Variants in FAM120A observed in about 807,000 individuals in gnomAD.
FAM120A encodes the protein family with sequence similarity 120 member A, also known as constitutive coactivator of PPAR-gamma-like protein 1.
In FAM120A, 15 loss-of-function variants were observed where a neutral mutation model predicts 109.7. That is an observed-to-expected ratio of 0.14 (90% CI 0.09 to 0.21). The LOEUF (loss-of-function observed/expected upper bound fraction) is 0.21. Ranked by LOEUF, FAM120A falls within the 10% of genes least tolerant of loss-of-function variation. FAM120A has a pLI of 1.00. For synonymous variants in FAM120A, 493 were observed against 572.8 expected (o/e 0.86, Z 1.99); for missense variants, 899 against 1,439.3 (o/e 0.62, Z 6.07).
intron 17 of FAM120A, among the ~76,000 whole-genome samples, chr9:93,563,261 G>GA (rs1862535241): frequency 6.6e-6 from 1 of 152,216 alleles, no homozygotes; most frequent in African/African-American, 2.4e-5. Flanking sequence ...GTTGGGAAGG[G>GA]AATGCGATGA....
At chr9:93,541,364 A>G (rs1179387257) in intron 10 of FAM120A, among the ~76,000 whole-genome samples, 2 of 151,956 alleles carry the variant, frequency 1.3e-5, no homozygotes, top group African/African-American at 2.4e-5. Context: ...ATGATCCTGT[A>G]TGTTCCGAGT....
At chr9:93,473,079 G>A (rs1393706381) in intron 2 of FAM120A, among the ~76,000 whole-genome samples, 1 of 151,460 alleles carries the variant, frequency 6.6e-6, no homozygotes, top group Non-Finnish European at 1.5e-5. Context: ...GTACAGTAGT[G>A]TGATCTTGGG....
intron 7 of FAM120A, among the ~76,000 whole-genome samples, chr9:93,526,844 C>T (rs550970255): frequency 6.6e-6 from 1 of 152,354 alleles, no homozygotes; most frequent in South Asian, 2.1e-4. Context: ...ATGGAAAGAT[C>T]CTCCAAGGCA....
chr9:93,467,158 G>T (rs10512224), intron 1 of FAM120A, among the ~76,000 whole-genome samples: 17,747 of 150,510 alleles, frequency 0.12, 2,211 homozygotes, highest in African/African-American at 0.31. Context: ...CAAATGCTGA[G>T]TCATCTTGTT....
intron 10 of FAM120A, among the ~76,000 whole-genome samples, chr9:93,537,237 C>T (rs762157926): frequency 3.9e-5 from 6 of 152,276 alleles, no homozygotes; most frequent in African/African-American, 1.4e-4. Context: ...GCCTCTTGGT[C>T]GCTCCCAGTC....
At chr9:93,541,627 A>G (rs1237643540) in intron 10 of FAM120A, among the ~76,000 whole-genome samples, 1 of 152,236 alleles carries the variant, frequency 6.6e-6, no homozygotes. Flanking sequence ...ACATCTAAAC[A>G]CTAAGATATT....
chr9:93,452,697 T>C lies in FAM120A; in HGVS notation c.474+308T>C. On this transcript the variant is annotated intron_variant, in intron 1 of 17. Coordinates refer to ENST00000277165, the MANE Select transcript of FAM120A (RefSeq NM_014612.5). This position sits in a 1 kb window ranked among gnomAD's most constrained non-coding sequence, Gnocchi z 7.0. ...ACAGTGTCATCATCCCCAATATCCTTAGTTTTTCCCATCCTATTTGAGGCG... is the reference window on the plus strand; with the variant it reads ...ACAGTGTCATCATCCCCAATATCCTCAGTTTTTCCCATCCTATTTGAGGCG... 1 of 1,598,542 alleles carries C rather than the reference T, an allele frequency of 6.3e-7. No individual in the cohort carries two copies. The highest frequency in any genetic ancestry group is 8.5e-7 in the Non-Finnish European group (1 of 1,179,860).
intron 5 of FAM120A, among the ~76,000 whole-genome samples, chr9:93,514,182 G>A (rs1468300621): frequency 6.6e-6 from 1 of 152,146 alleles, no homozygotes; most frequent in Non-Finnish European, 1.5e-5. Flanking sequence ...AGGGGGAAGA[G>A]CCCCTTATAC....
chr9:93,495,959 T>A (rs919229058), intron 3 of FAM120A, among the ~76,000 whole-genome samples: 2 of 152,240 alleles, frequency 1.3e-5, no homozygotes, highest in Admixed American at 6.5e-5. Context: ...ATCCTTTGCT[T>A]TTATTTTGAT....
At chr9:93,556,969 A>G (rs1862302633) in intron 13 of FAM120A, among the ~76,000 whole-genome samples, 1 of 152,164 alleles carries the variant, frequency 6.6e-6, no homozygotes, top group East Asian at 1.9e-4. Context: ...CTTATATAAT[A>G]TGGATTGTTG....
At chr9:93,464,828 GT>G (rs1429287130) in intron 1 of FAM120A, among the ~76,000 whole-genome samples, 3 of 152,214 alleles carry the variant, frequency 2.0e-5, no homozygotes, top group Non-Finnish European at 2.9e-5. Flanking sequence ...GTAAGTAAGT[GT>G]TTTCAGGGCT....
At chr9:93,547,091 G>T (rs553294983) in intron 11 of FAM120A, among the ~76,000 whole-genome samples, 1 of 152,298 alleles carries the variant, frequency 6.6e-6, no homozygotes, top group East Asian at 1.9e-4. Flanking sequence ...TAGCAGAGAC[G>T]GGGGATGGAG....
rs574816409 is a variant in FAM120A at position 93,512,636 on chromosome 9, T to C, written c.1031-3031T>C. 1.8e-4 allele frequency among the ~76,000 whole-genome samples: 27 copies of C among 152,242 alleles called. No homozygotes were observed. The South Asian group carries it at 2.5e-3, about 14-fold the overall frequency. ...CTACTCTGGAGCCCCGTGTCCCTTC[T>C]GAGAAAGATGCCTCTTGTTGTAGAG... On this transcript the variant is annotated intron_variant, in intron 5 of 17. Transcript: ENST00000277165.
rs771192453 is a variant in FAM120A at position 93,454,755 on chromosome 9, T to A, written c.474+2366T>A. Among the ~76,000 whole-genome samples the A allele has an allele frequency of 7.6e-4, 116 of 152,344 alleles. 1 individual carries two copies. The highest frequency in any genetic ancestry group is 1.0e-3 in the Non-Finnish European group (68 of 68,038). ...GATTTTGAGTCATAAAAATTAATAT[T>A]CAGCATTCTCTGTTTAAGGGATTGA... On this transcript the variant is annotated intron_variant, in intron 1 of 17. Coordinates refer to ENST00000277165, the MANE Select transcript of FAM120A (RefSeq NM_014612.5).
chr9:93,484,995 C>T (rs142918228), intron 3 of FAM120A, among the ~76,000 whole-genome samples: 4 of 152,334 alleles, frequency 2.6e-5, no homozygotes, highest in East Asian at 1.9e-4. Context: ...GAGTTCAAAA[C>T]GTCAGCCCTG....
chr9:93,541,370 C>T (rs867302478), intron 10 of FAM120A, among the ~76,000 whole-genome samples: 47 of 152,022 alleles, frequency 3.1e-4, no homozygotes, highest in South Asian at 6.3e-4. Context: ...CTGTATGTTC[C>T]GAGTCTACTT....
At chr9:93,558,793 C>A in intron 15 of FAM120A, 75 bp downstream of exon 15, 1 of 1,527,334 alleles carries the variant, frequency 6.5e-7, no homozygotes, top group Non-Finnish European at 8.9e-7. Context: ...CGCCTTCCTT[C>A]CTCTACTGTC....
rs919027871 is a variant in FAM120A at position 93,529,467 on chromosome 9, A to G, written c.1621A>G (p.Met541Val). The change falls in exon 9 of 18, where the codon ATG becomes GTG. Residue 541 changes from methionine (M) to valine (V), a missense_variant. Met to Val is a conservative substitution (Grantham distance 21). Transcript: ENST00000277165. ...CCTGTCGATGCCCACCAGGAACCAC[A>G]TGGACATCACCACACCTCCCCTGCC... is the stretch of plus-strand genomic sequence containing the variant. ...CLLSMPTRNH[M>V]DITTPPLPPV... 1.9e-6 allele frequency: 3 copies of G among 1,614,184 alleles called. No homozygotes were observed. The highest frequency in any genetic ancestry group is 2.5e-6 in the Non-Finnish European group (3 of 1,180,034).
At chr9:93,508,199 G>C (rs1401202551) in intron 5 of FAM120A, among the ~76,000 whole-genome samples, 3 of 152,202 alleles carry the variant, frequency 2.0e-5, no homozygotes, top group Non-Finnish European at 4.4e-5. Flanking sequence ...CCAGGCTGCT[G>C]TGTGTCAGAG....
Sources: allele counts gnomAD v4.1 joint callset (sites outside exome capture counted in the v4.1 genomes callset), GRCh38; gene constraint gnomAD v4.1.1; non-coding constraint Gnocchi (gnomAD v3.1); transcripts MANE v1.5; gene names NCBI Gene and HGNC (gene_info 2026-07-23, HGNC 2026-07-21).